Variants in ZNF106 observed in about 807,000 individuals in gnomAD.
The protein encoded by ZNF106 is zinc finger protein 106.
ZNF106 carries 67 observed loss-of-function variants against 195.1 expected under a neutral mutation model. That is an observed-to-expected ratio of 0.34 (90% CI 0.28 to 0.42). The LOEUF (loss-of-function observed/expected upper bound fraction) is 0.42, where lower values mean the gene tolerates loss of function less well. ZNF106 is among the 10% of genes least tolerant of loss of function. ZNF106 has a pLI of 1.00. For synonymous variants in ZNF106, 784 were observed against 818.6 expected (o/e 0.96, Z 0.72); for missense variants, 2,118 against 2,304.5 (o/e 0.92, Z 1.66).
intron 11 of ZNF106, 139 bp downstream of exon 11, chr15:42,438,894 A>G: frequency 1.9e-6 from 2 of 1,051,268 alleles, no homozygotes; most frequent in Admixed American, 5.5e-5. Flanking sequence ...CTGAGCTTTA[A>G]TTTTTCCATA....
rs1430457530 is a variant in ZNF106, at chr15:42,451,692, A to G, written c.580T>C (p.Ser194Pro). ...CTATGGTTGTGAAACCAAGTCGAGG[A>G]GCCTCCTGCAACACCCTTATGCCAC... ...SGWHKGVAGG[S>P]STWFHNHSNS... The change falls in exon 5 of 22, where the codon TCC becomes CCC. Residue 194 changes from serine (S) to proline (P), a missense_variant. Ser to Pro is a moderately conservative substitution (Grantham distance 74). Coordinates refer to ENST00000564754, the MANE Select transcript of ZNF106 (RefSeq NM_001366845.3). The G allele has an allele frequency of 6.2e-7, 1 of 1,614,226 alleles. No individual in the cohort carries two copies. Among genetic ancestry groups the G allele is most frequent in the Admixed American group, 1.7e-5 (1 of 60,018 alleles).
At chr15:42,462,632 A>C (rs2056419554) in intron 3 of ZNF106, among the ~76,000 whole-genome samples, 2 of 152,196 alleles carry the variant, frequency 1.3e-5, no homozygotes, top group Non-Finnish European at 2.9e-5. Context: ...ACGTAAATAC[A>C]TAGAAAGAGG....
intron 13 of ZNF106, among the ~76,000 whole-genome samples, chr15:42,436,489 T>G (rs990674785): frequency 1.3e-5 from 2 of 152,202 alleles, no homozygotes; most frequent in African/African-American, 4.8e-5. Context: ...CACATTTTCC[T>G]GGTCCATCAT....
Position 42,437,301 on chromosome 15 carries a change from T to C in ZNF106, c.4677A>G (p.Ala1559=), listed in dbSNP as rs764843350. The change falls in exon 13 of 22, where the codon GCA becomes GCG. Residue 1559 remains alanine (A), a synonymous_variant. Coordinates refer to ENST00000564754, the MANE Select transcript of ZNF106 (RefSeq NM_001366845.3). ...SFEGHQAAVN[A]IQIFGNLLYT... is the part of the protein sequence containing the mutation. ...ATAGCAAGTTCCCAAATATCTGAAT[T>C]GCATTTACGGCAGCTTGGTGTCCCT... The C allele has an allele frequency of 2.5e-6, 4 of 1,614,168 alleles. No individual in the cohort carries two copies. The highest frequency in any genetic ancestry group is 3.4e-6 in the Non-Finnish European group (4 of 1,180,026).
At chr15:42,458,022 T>G (rs2056287785) in intron 3 of ZNF106, among the ~76,000 whole-genome samples, 1 of 152,192 alleles carries the variant, frequency 6.6e-6, no homozygotes, top group Non-Finnish European at 1.5e-5. Flanking sequence ...TAACTGCTTT[T>G]TAGCTTCTGG....
intron 2 of ZNF106, among the ~76,000 whole-genome samples, chr15:42,468,699 C>T (rs2056590598): frequency 2.0e-5 from 3 of 151,342 alleles, no homozygotes; most frequent in Admixed American, 1.3e-4. Context: ...GCCAAGATCG[C>T]GCCATTGCAC....
At position 42,444,961 on chromosome 15, in the gene ZNF106, G is replaced by A; in HGVS notation, c.3226C>T (p.Leu1076=). 1 of 1,614,156 alleles carries A rather than the reference G, an allele frequency of 6.2e-7. No homozygotes were observed. Residue 1076 remains leucine, a synonymous_variant, in exon 8 of 22, where the codon CTG becomes TTG. Transcript: ENST00000564754. The part of the protein sequence containing the change: ...GKKERSQVDQ[L]LNISLREEEL... ...TCCTCCCTTAAAGAAATATTCAGCAGCTGGTCAACCTGAGAACGTTCTGCC... is the reference window on the plus strand; with the variant it reads ...TCCTCCCTTAAAGAAATATTCAGCAACTGGTCAACCTGAGAACGTTCTGCC...
Position 42,430,374 on chromosome 15 carries a change from A to T in ZNF106, c.4882-2240T>A, listed in dbSNP as rs2055006312. On this transcript the variant is annotated intron_variant, in intron 14 of 21. Transcript: ENST00000564754. ...GTTTTTTGTCAATGTATGTTTAGGG[A>T]TTTACTTATGTATTTGTTTTTTGAA... is the stretch of plus-strand genomic sequence containing the variant. Among the ~76,000 whole-genome samples, 3 of 151,308 alleles carry T rather than the reference A, an allele frequency of 2.0e-5. 1 individual carries two copies. The highest frequency in any genetic ancestry group is 7.3e-5 in the African/African-American group (3 of 40,964).
chr15:42,466,009 T>C, intron 3 of ZNF106, 44 bp downstream of exon 3: 9 of 1,478,278 alleles, frequency 6.1e-6, no homozygotes, highest in Non-Finnish European at 8.2e-6. Flanking sequence ...ATCACTCAGA[T>C]CCACCCACAT....
chr15:42,487,274 G>T (rs1027892103), intron 1 of ZNF106, among the ~76,000 whole-genome samples: 2 of 151,938 alleles, frequency 1.3e-5, no homozygotes. Context: ...TTGAGGCCAG[G>T]AGTTCAACAC....
intron 9 of ZNF106, 53 bp from the exon 10 acceptor site, chr15:42,442,467 C>A: frequency 6.9e-7 from 1 of 1,455,344 alleles, no homozygotes; most frequent in South Asian, 1.3e-5. Context: ...TCTGAAAAGT[C>A]ATTTGTGTCT....
chr15:42,444,401 C>T, intron 8 of ZNF106, 139 bp from the exon 9 acceptor site: 2 of 649,198 alleles, frequency 3.1e-6, no homozygotes, highest in Non-Finnish European at 5.3e-6. Flanking sequence ...CAGGTTTTCT[C>T]CAGCAGGCTT....
chr15:42,478,512 CTTTTTTTT>C (rs58475332), intron 1 of ZNF106, among the ~76,000 whole-genome samples: 3 of 77,616 alleles, frequency 3.9e-5, no homozygotes, highest in Non-Finnish European at 7.5e-5. Context: ...TCCTCTTTTT[CTTTTTTTT>C]TTTTTTTTTT....
intron 1 of ZNF106, among the ~76,000 whole-genome samples, chr15:42,483,423 G>A (rs2056946586): frequency 6.6e-6 from 1 of 152,142 alleles, no homozygotes; most frequent in South Asian, 2.1e-4. Flanking sequence ...TAGGTTTAGT[G>A]ACAAAGTCTG....
intron 2 of ZNF106, among the ~76,000 whole-genome samples, chr15:42,466,385 A>C (rs2056516760): frequency 2.0e-5 from 3 of 152,198 alleles, no homozygotes; most frequent in Non-Finnish European, 4.4e-5. Flanking sequence ...GAAGCAAAAC[A>C]CTTAAGAGTA....
intron 12 of ZNF106, among the ~76,000 whole-genome samples, chr15:42,438,168 C>T (rs967098345): frequency 6.6e-6 from 1 of 152,124 alleles, no homozygotes; most frequent in African/African-American, 2.4e-5. Context: ...AGGAGGATCA[C>T]TTGAGGCCAG....
chr15:42,442,614 CTTTTTTT>C (rs1209709879), intron 9 of ZNF106, among the ~76,000 whole-genome samples, 200 bp from the exon 10 acceptor site: 1 of 123,610 alleles, frequency 8.1e-6, no homozygotes, highest in Admixed American at 8.3e-5. Context: ...CATCAACATT[CTTTTTTT>C]TTTTTTTTTT....
At chr15:42,459,387 A>AG (rs769854481) in intron 3 of ZNF106, among the ~76,000 whole-genome samples, 93 of 152,048 alleles carry the variant, frequency 6.1e-4, no homozygotes, top group Non-Finnish European at 1.0e-3. Flanking sequence ...GAGGCAGGAG[A>AG]ATCGCTTGAA....
At chr15:42,433,491 CT>C (rs1249009364) in intron 14 of ZNF106, among the ~76,000 whole-genome samples, 10 of 111,998 alleles carry the variant, frequency 8.9e-5, no homozygotes, top group Admixed American at 8.7e-5. Context: ...TTTTTCTTTT[CT>C]TTTTTTTTTG....
Sources: gnomAD v4.1 joint callset for allele counts (sites outside exome capture counted in the v4.1 genomes callset) on GRCh38, gnomAD v4.1.1 for gene constraint, MANE v1.5 for transcripts, NCBI Gene and HGNC (gene_info 2026-07-23, HGNC 2026-07-21) for gene names.